NR6A1: variants seen among roughly 807,000 people sequenced by gnomAD.
NR6A1 encodes retinoic acid receptor-related testis-associated receptor.
Under a neutral mutation model 59.1 loss-of-function variants are expected in NR6A1, and 7 were observed. The observed-to-expected ratio is 0.12, with a 90% CI of 0.07 to 0.22. The LOEUF (loss-of-function observed/expected upper bound fraction) is 0.22, where lower values mean the gene tolerates loss of function less well. Among genes scored for constraint, NR6A1 ranks in the 10% least tolerant of loss-of-function variants. The pLI, the probability that NR6A1 is intolerant of heterozygous loss-of-function variation, is 1.00. For synonymous variants in NR6A1, 243 were observed against 236.1 expected, an observed-to-expected ratio of 1.03 and a Z score of -0.27; for missense variants, 468 against 611.6, an observed-to-expected ratio of 0.77 and a Z score of 2.48.
chr9:124,541,081 C>G (rs116748348), intron 4 of NR6A1, among the ~76,000 whole-genome samples: 4 of 152,268 alleles, frequency 2.6e-5, no homozygotes, highest in African/African-American at 9.6e-5. Flanking sequence ...CCAGTGATTT[C>G]TTGGATACAA....
chr9:124,713,581 G>T (rs1265058111), intron 2 of NR6A1, among the ~76,000 whole-genome samples: 1 of 152,160 alleles, frequency 6.6e-6, no homozygotes, highest in Admixed American at 6.5e-5. Context: ...ATAGGCAAAA[G>T]ACCTCAATAA....
intron 2 of NR6A1, among the ~76,000 whole-genome samples, chr9:124,631,617 C>T (rs1438706250): frequency 2.0e-5 from 3 of 152,028 alleles, no homozygotes; most frequent in African/African-American, 7.2e-5. Flanking sequence ...CCCACAAAGA[C>T]AAAAAACTAA....
intron 2 of NR6A1, among the ~76,000 whole-genome samples, chr9:124,606,672 A>G (rs1835583993): frequency 6.6e-6 from 1 of 152,232 alleles, no homozygotes; most frequent in Admixed American, 6.5e-5. Flanking sequence ...TATTGATTAA[A>G]TAAGTATACA....
chr9:124,707,761 C>T (rs1238309997), intron 2 of NR6A1, among the ~76,000 whole-genome samples: 7 of 152,000 alleles, frequency 4.6e-5, no homozygotes, highest in African/African-American at 1.7e-4. Flanking sequence ...GTTTTTCCCC[C>T]CACCTTTTTA....
chr9:124,574,774 G>C (rs1161900562), intron 2 of NR6A1, among the ~76,000 whole-genome samples: 1 of 152,174 alleles, frequency 6.6e-6, no homozygotes, highest in African/African-American at 2.4e-5. Flanking sequence ...ACTGTGGCTT[G>C]ATGAGTACAG....
Position 124,535,902 on chromosome 9 carries a change from G to C in NR6A1, c.1055C>G (p.Ser352Trp). 6.2e-7 allele frequency: 1 copy of C among 1,614,098 alleles called. No individual in the cohort carries two copies. The highest frequency in any genetic ancestry group is 8.5e-7 in the Non-Finnish European group (1 of 1,180,016). Reference sequence around the variant, plus strand: ...CCTGTGTAGTTCTTCATCGGAGGGCGAGTACTTGGCAGTGACATCAGCCAG... The same window carrying C: ...CCTGTGTAGTTCTTCATCGGAGGGCCAGTACTTGGCAGTGACATCAGCCAG... ...GELADVTAKY[S>W]PSDEELHRFS... Residue 352 changes from serine to tryptophan, a missense_variant, in exon 7 of 10, where the codon TCG (serine) becomes TGG (tryptophan). Physicochemically the swap from Ser to Trp is radical, Grantham distance 177. Around this residue, in one of 4 missense-constraint regions of NR6A1, gnomAD observed 176 missense variants for 264.0 expected, o/e 0.67. Transcript: ENST00000487099.
chr9:124,519,397 G>C lies in NR6A1; in HGVS notation c.*3308C>G, dbSNP rs181056142. 5.3e-5 allele frequency: 8 copies of C among 152,282 alleles called. No homozygotes were observed. In the East Asian group the frequency reaches 1.2e-3, roughly 22 times the overall value. 9.4% of individuals were successfully genotyped at this position (152,282 alleles called of 1,614,324 possible). ...TTCTGGGGAATTTCTCCAGATTAACGACGAGACCACCAAACCTTGCAAAGG... is the reference window on the plus strand; with the variant it reads ...TTCTGGGGAATTTCTCCAGATTAACCACGAGACCACCAAACCTTGCAAAGG... On this transcript the variant is annotated 3_prime_UTR_variant, in exon 10 of 10. Transcript: ENST00000487099.
intron 2 of NR6A1, among the ~76,000 whole-genome samples, chr9:124,617,836 G>C (rs766370545): frequency 6.6e-6 from 1 of 152,090 alleles, no homozygotes; most frequent in African/African-American, 2.4e-5. Flanking sequence ...AGATAACTGG[G>C]ATTATCCACA....
intron 2 of NR6A1, among the ~76,000 whole-genome samples, chr9:124,732,439 A>G (rs1165179102): frequency 2.0e-5 from 3 of 152,230 alleles, no homozygotes; most frequent in Non-Finnish European, 4.4e-5. Flanking sequence ...ATTTAGGAAG[A>G]ACTGGAAATG....
intron 2 of NR6A1, among the ~76,000 whole-genome samples, chr9:124,728,420 G>A (rs1425407867): frequency 1.3e-5 from 2 of 151,922 alleles, no homozygotes; most frequent in African/African-American, 2.4e-5. Context: ...TGGATCATGA[G>A]GTCAGGAGTT....
At chr9:124,566,857 C>G (rs1335329911) in intron 2 of NR6A1, among the ~76,000 whole-genome samples, 1 of 152,106 alleles carries the variant, frequency 6.6e-6, no homozygotes, top group Non-Finnish European at 1.5e-5. Context: ...GCCTGTAATC[C>G]CAGCACTTTG....
chr9:124,771,241 C>T lies in NR6A1; in HGVS notation c.-122G>A, dbSNP rs1468432654. The T allele has an allele frequency of 5.2e-5, 26 of 500,632 alleles. No individual in the cohort carries two copies. The highest frequency in any genetic ancestry group is 7.8e-5 in the Non-Finnish European group (25 of 320,436). The allele number at this position is 500,632 out of a possible 1,614,324, so 31.0% of individuals were successfully genotyped here. On this transcript the variant is annotated 5_prime_UTR_variant, in exon 1 of 10. Transcript: ENST00000487099. Reference sequence around the variant, plus strand: ...GGAGCCCGCGAGCTCCCGGCCGCGGCTCTCTCTGGGCCCCGAGCCGCCCGG... The same window carrying T: ...GGAGCCCGCGAGCTCCCGGCCGCGGTTCTCTCTGGGCCCCGAGCCGCCCGG...
chr9:124,555,607 A>T (rs563400457), intron 2 of NR6A1, among the ~76,000 whole-genome samples: 1 of 152,174 alleles, frequency 6.6e-6, no homozygotes, highest in Non-Finnish European at 1.5e-5. Flanking sequence ...CGGCAAGACC[A>T]TATCTCTTAA....
intron 2 of NR6A1, among the ~76,000 whole-genome samples, chr9:124,578,988 T>C (rs973448529): frequency 6.6e-6 from 1 of 152,228 alleles, no homozygotes; most frequent in African/African-American, 2.4e-5. Context: ...TGCTATAGAA[T>C]TGTGAGAAAC....
intron 2 of NR6A1, among the ~76,000 whole-genome samples, chr9:124,719,435 C>T (rs1839500499): frequency 6.6e-6 from 1 of 152,132 alleles, no homozygotes; most frequent in African/African-American, 2.4e-5. Context: ...TTAACCTGCA[C>T]ATTATCAGTT....
At chr9:124,760,957 T>TC (rs1161944624) in intron 1 of NR6A1, among the ~76,000 whole-genome samples, 5 of 152,044 alleles carry the variant, frequency 3.3e-5, no homozygotes, top group Admixed American at 6.5e-5. Context: ...ATGGGGGGCT[T>TC]CCCCCAGGTG....
At chr9:124,572,061 G>A (rs377234815) in intron 2 of NR6A1, among the ~76,000 whole-genome samples, 12 of 152,134 alleles carry the variant, frequency 7.9e-5, no homozygotes, top group African/African-American at 2.4e-4. Context: ...GGAAGTCAAG[G>A]AAACAAAGAG....
chr9:124,591,195 C>A (rs947984267), intron 2 of NR6A1, among the ~76,000 whole-genome samples: 2 of 152,172 alleles, frequency 1.3e-5, no homozygotes, highest in African/African-American at 2.4e-5. Flanking sequence ...CAAGAATTCT[C>A]TTTTTCTTAA....
intron 2 of NR6A1, among the ~76,000 whole-genome samples, chr9:124,665,701 A>C (rs1837592199): frequency 1.3e-5 from 2 of 152,318 alleles, no homozygotes; most frequent in South Asian, 4.1e-4. Flanking sequence ...AATGATCATG[A>C]TTACACAGCT....
Sources: gnomAD v4.1 joint callset for allele counts (sites outside exome capture counted in the v4.1 genomes callset) on GRCh38, gnomAD v4.1.1 for gene constraint, gnomAD v4.1.1 regional missense constraint, MANE v1.5 for transcripts, NCBI Gene and HGNC (gene_info 2026-07-23, HGNC 2026-07-21) for gene names.